The following TANC1 variants were observed in gnomAD, a reference collection of about 807,000 sequenced individuals.
TANC1 encodes the protein protein TANC1.
In TANC1, 77 loss-of-function variants were observed where a neutral mutation model predicts 149.7. That is an observed-to-expected ratio of 0.51 (90% CI 0.43 to 0.62). The LOEUF (loss-of-function observed/expected upper bound fraction) is 0.62. Among genes scored for constraint, TANC1 ranks in the 20% least tolerant of loss-of-function variants. TANC1 has a pLI of 0.00. For synonymous variants in TANC1, 854 were observed against 925.0 expected (o/e 0.92, Z 1.39); for missense variants, 1,985 against 2,321.8 (o/e 0.85, Z 2.98).
chr2:159,008,892 T>C (rs749773044), intron 2 of TANC1, among the ~76,000 whole-genome samples: 13 of 152,230 alleles, frequency 8.5e-5, no homozygotes, highest in South Asian at 2.1e-4. Flanking sequence ...TCATTGGCCT[T>C]GCAACATCAG....
At chr2:159,032,175 T>C (rs890100081) in intron 2 of TANC1, among the ~76,000 whole-genome samples, 1 of 152,138 alleles carries the variant, frequency 6.6e-6, no homozygotes. Flanking sequence ...TATAATCTGG[T>C]GAGGAGCTTT....
intron 3 of TANC1, among the ~76,000 whole-genome samples, chr2:159,093,502 A>G (rs2045762005): frequency 6.6e-6 from 1 of 151,922 alleles, no homozygotes; most frequent in South Asian, 2.1e-4. Flanking sequence ...TCTTTGTTTG[A>G]CCGTATTCCC....
intron 2 of TANC1, among the ~76,000 whole-genome samples, chr2:159,053,128 A>AT (rs11421314): frequency 0.69 from 103,392 of 149,426 alleles, 35,807 homozygotes; most frequent in Non-Finnish European, 0.73. Flanking sequence ...TTAAACCTGA[A>AT]TTTTTTTTTT....
chr2:159,046,795 G>A (rs768659496), intron 2 of TANC1, among the ~76,000 whole-genome samples: 1 of 151,362 alleles, frequency 6.6e-6, no homozygotes, highest in Non-Finnish European at 1.5e-5. Flanking sequence ...GTGGAGACGG[G>A]TTTTCACCAT....
chr2:159,135,860 C>G (rs997763160), intron 4 of TANC1, among the ~76,000 whole-genome samples: 1 of 152,260 alleles, frequency 6.6e-6, no homozygotes, highest in Non-Finnish European at 1.5e-5. Flanking sequence ...AAATCACCCA[C>G]TTGACCAGTG....
At chr2:159,019,772 C>T (rs1240519872) in intron 2 of TANC1, among the ~76,000 whole-genome samples, 2 of 147,478 alleles carry the variant, frequency 1.4e-5, no homozygotes, top group African/African-American at 5.0e-5. Flanking sequence ...AGGTGCGTGC[C>T]ACCATGTCTG....
intron 3 of TANC1, among the ~76,000 whole-genome samples, chr2:159,085,213 C>T (rs1041364432): frequency 1.3e-5 from 2 of 152,012 alleles, no homozygotes; most frequent in African/African-American, 4.8e-5. Context: ...TCAGCTTTTC[C>T]CCTTTGCTTG....
chr2:159,199,177 T>G lies in TANC1; in HGVS notation c.3244+124T>G. On this transcript the variant is annotated intron_variant, in intron 19 of 26. Transcript: ENST00000263635. Reference sequence around the variant, plus strand: ...CTGTTTCTATTTTATCACAAGCATTTGAAGTTTAGAGCTCCTTGAACTTTC... The same window carrying G: ...CTGTTTCTATTTTATCACAAGCATTGGAAGTTTAGAGCTCCTTGAACTTTC... The G allele has an allele frequency of 4.4e-6, 3 of 675,710 alleles. No individual in the cohort carries two copies. In the South Asian group the frequency reaches 6.3e-5, roughly 14 times the overall value. 41.9% of individuals were successfully genotyped at this position (675,710 alleles called of 1,614,324 possible).
intron 5 of TANC1, among the ~76,000 whole-genome samples, chr2:159,140,015 G>A (rs2150232888): frequency 6.6e-6 from 1 of 152,192 alleles, no homozygotes; most frequent in South Asian, 2.1e-4. Context: ...TTGAGCCTAG[G>A]AGTTTGATAC....
intron 1 of TANC1, among the ~76,000 whole-genome samples, chr2:158,983,181 T>C (rs1409213020): frequency 6.6e-6 from 1 of 151,970 alleles, no homozygotes; most frequent in Non-Finnish European, 1.5e-5. Context: ...AAAAGTGGTG[T>C]TTTAGCCAGG....
chr2:159,072,808 A>G (rs1425213068), intron 3 of TANC1, among the ~76,000 whole-genome samples: 1 of 151,652 alleles, frequency 6.6e-6, no homozygotes, highest in Admixed American at 6.6e-5. Flanking sequence ...TCTGTTATGG[A>G]GAAGACAGGA....
intron 1 of TANC1, among the ~76,000 whole-genome samples, chr2:158,984,282 A>G (rs1043361404): frequency 6.6e-6 from 1 of 152,200 alleles, no homozygotes; most frequent in African/African-American, 2.4e-5. Flanking sequence ...AAAGGGTGTT[A>G]GTTCCCCCTT....
intron 7 of TANC1, among the ~76,000 whole-genome samples, chr2:159,159,729 A>T (rs879456922): frequency 0.71 from 86,283 of 120,792 alleles, 32,154 homozygotes; most frequent in Non-Finnish European, 0.87. Context: ...AGAGAGAGAG[A>T]GAGAGAGAGA....
intron 3 of TANC1, among the ~76,000 whole-genome samples, chr2:159,070,987 G>A (rs1378507646): frequency 1.3e-5 from 2 of 152,132 alleles, no homozygotes; most frequent in African/African-American, 4.8e-5. Context: ...CTCACAGTTG[G>A]TAGTGTTTCT....
intron 3 of TANC1, among the ~76,000 whole-genome samples, chr2:159,096,008 G>T (rs573713859): frequency 6.6e-6 from 1 of 152,054 alleles, no homozygotes; most frequent in East Asian, 1.9e-4. Flanking sequence ...TGTATGTGTG[G>T]TTTTTTTGGT....
At chr2:159,141,741 C>T (rs975149551) in intron 5 of TANC1, among the ~76,000 whole-genome samples, 4 of 152,132 alleles carry the variant, frequency 2.6e-5, no homozygotes, top group African/African-American at 7.2e-5. Flanking sequence ...GGAAACAGGT[C>T]GTTGACAAAA....
chr2:159,203,176 A>G (rs754817484), intron 19 of TANC1, among the ~76,000 whole-genome samples: 1 of 150,164 alleles, frequency 6.7e-6, no homozygotes, highest in Non-Finnish European at 1.5e-5. Context: ...AGGACTTACC[A>G]TCAGTACATC....
chr2:159,229,685 T>C lies in TANC1; in HGVS notation c.4259T>C (p.Leu1420Pro). The C allele has an allele frequency of 1.9e-6, 3 of 1,613,584 alleles. No homozygotes were observed. The highest frequency in any genetic ancestry group is 2.5e-6 in the Non-Finnish European group (3 of 1,179,918). Residue 1420 changes from leucine to proline, a missense_variant, in exon 27 of 27, where the codon CTC becomes CCC. Around this residue, in one of 3 missense-constraint regions of TANC1, gnomAD observed 920 missense variants for 994.7 expected, o/e 0.92. Coordinates refer to ENST00000263635, the MANE Select transcript of TANC1 (RefSeq NM_033394.3). ...LARVEEECKQLQRSQQQKQQG... is the reference protein window; with the variant it reads ...LARVEEECKQPQRSQQQKQQG... ...CGCGTAGAAGAGGAGTGCAAACAAC[T>C]CCAGAGGAGTCAACAGCAAAAACAG...
chr2:159,087,505 T>C (rs10191318), intron 3 of TANC1, among the ~76,000 whole-genome samples: 1,897 of 149,410 alleles, frequency 0.013, 27 homozygotes, highest in African/African-American at 0.041. Context: ...TGTTTGTTTG[T>C]TTTGTTTTTG....
Sources: gnomAD v4.1 joint callset for allele counts (sites outside exome capture counted in the v4.1 genomes callset) on GRCh38, gnomAD v4.1.1 for gene constraint, gnomAD v4.1.1 regional missense constraint, MANE v1.5 for transcripts, NCBI Gene and HGNC (gene_info 2026-07-23, HGNC 2026-07-21) for gene names.